The following PDXDC1 variants were observed in gnomAD, a reference collection of about 807,000 sequenced individuals.
The protein encoded by PDXDC1 is pyridoxal dependent decarboxylase domain containing 1, also known as pyridoxal-dependent decarboxylase domain-containing protein 1.
PDXDC1 carries 42 observed loss-of-function variants against 100.1 expected under a neutral mutation model. That is an observed-to-expected ratio of 0.42 (90% CI 0.33 to 0.54). PDXDC1 has a LOEUF of 0.54. PDXDC1 is among the 20% of genes least tolerant of loss of function. The pLI, the probability that PDXDC1 is intolerant of heterozygous loss-of-function variation, is 0.10. For synonymous variants in PDXDC1, 260 were observed against 371.7 expected (o/e 0.70, Z 3.46); for missense variants, 636 against 979.2 (o/e 0.65, Z 4.68).
intron 1 of PDXDC1, among the ~76,000 whole-genome samples, chr16:14,984,495 A>ATATATATTTT (rs1555542734): frequency 5.4e-5 from 4 of 73,478 alleles, no homozygotes; most frequent in African/African-American, 5.0e-5. Flanking sequence ...ATATATATAT[A>ATATATATTTT]TTTTTTTTTT....
intron 16 of PDXDC1, chr16:15,128,241 G>C (rs752916596): frequency 8.1e-6 from 13 of 1,611,350 alleles, no homozygotes; most frequent in South Asian, 1.1e-5. Flanking sequence ...GCCACACTCG[G>C]ATCTTCCACA....
At chr16:15,020,578 A>C (rs1367213090) in intron 12 of PDXDC1, among the ~76,000 whole-genome samples, 1 of 152,236 alleles carries the variant, frequency 6.6e-6, no homozygotes, top group African/African-American at 2.4e-5. Flanking sequence ...AGTCCCAGCT[A>C]CTTGGGAGGC....
chr16:15,086,078 T>A lies in PDXDC1; in HGVS notation c.1400-52801T>A, dbSNP rs544112249. The A allele has an allele frequency of 5.6e-5, 86 of 1,549,262 alleles. No homozygotes were observed. In the East Asian group the frequency reaches 2.0e-3, roughly 36 times the overall value. ...TCTCATATATAAGGGGAAGGTAGTATTTTAATAAAGAAGTATTAAAAAGAA... is the reference window on the plus strand; with the variant it reads ...TCTCATATATAAGGGGAAGGTAGTAATTTAATAAAGAAGTATTAAAAAGAA... On this transcript the variant is annotated intron_variant, in intron 16 of 16. Transcript: ENST00000535621.
chr16:15,067,702 C>T lies in PDXDC1; in HGVS notation c.1399+37646C>T, dbSNP rs896940271. Reference sequence around the variant, plus strand: ...GATAAGAAGTAGTAGTAATTTCCAACGCCATCAAAGTATAAAAACAATAGC... The same window carrying T: ...GATAAGAAGTAGTAGTAATTTCCAATGCCATCAAAGTATAAAAACAATAGC... On this transcript the variant is annotated intron_variant, in intron 16 of 16. Coordinates refer to the PDXDC1 transcript ENST00000535621. Among the ~76,000 whole-genome samples the T allele has an allele frequency of 1.2e-4, 18 of 152,044 alleles. No homozygotes were observed. In the East Asian group the frequency reaches 1.9e-3, roughly 16 times the overall value.
intron 16 of PDXDC1, chr16:15,094,418 G>C (rs536679017): frequency 1.1e-5 from 7 of 624,476 alleles, no homozygotes; most frequent in South Asian, 3.8e-5. Context: ...TCTACTTGGA[G>C]GACTTGTTCC....
In PDXDC1 at chr16:15,124,975, C is replaced by T. The variant is rs898321298; in HGVS notation, c.1400-13904C>T. On this transcript the variant is annotated intron_variant, in intron 16 of 16. Transcript: ENST00000535621. ...CAGCCTCACCAACATGCTGAAACCC[C>T]GTCTCTACCAAAAATACAAAAATTA... Among the ~76,000 whole-genome samples, 137 of 150,586 alleles carry T rather than the reference C, an allele frequency of 9.1e-4. 1 individual carries two copies. Among genetic ancestry groups the T allele is most frequent in the Middle Eastern group, 3.5e-3 (1 of 286 alleles).
At chr16:15,101,416 A>C (rs2046544215) in intron 16 of PDXDC1, among the ~76,000 whole-genome samples, 1 of 152,202 alleles carries the variant, frequency 6.6e-6, no homozygotes, top group Admixed American at 6.5e-5. Flanking sequence ...TCCAAGATGC[A>C]AATGATTGTC....
At chr16:14,990,019 G>A in intron 1 of PDXDC1, 1 of 1,475,872 alleles carries the variant, frequency 6.8e-7, no homozygotes, top group Non-Finnish European at 8.9e-7. Context: ...GGAAGCAGGT[G>A]CAGGCCGCCC....
chr16:15,010,651 T>C (rs1325018929), intron 8 of PDXDC1, among the ~76,000 whole-genome samples: 1 of 152,242 alleles, frequency 6.6e-6, no homozygotes. Context: ...TCTAAGACAG[T>C]GCAATAAGGC....
At chr16:15,067,896 T>C (rs1476860813) in intron 16 of PDXDC1, among the ~76,000 whole-genome samples, 1 of 151,988 alleles carries the variant, frequency 6.6e-6, no homozygotes, top group African/African-American at 2.4e-5. Context: ...TAGTTGGGAC[T>C]ACAGGCACAG....
chr16:14,990,070 G>A, intron 1 of PDXDC1: 1 of 1,494,440 alleles, frequency 6.7e-7, no homozygotes, highest in Non-Finnish European at 8.8e-7. Flanking sequence ...CACAGAAGCA[G>A]CAGTAGGAGG....
chr16:14,983,094 G>GT (rs1327247681), intron 1 of PDXDC1, among the ~76,000 whole-genome samples: 3 of 152,170 alleles, frequency 2.0e-5, no homozygotes, highest in Non-Finnish European at 2.9e-5. Context: ...TTTCTCTTTA[G>GT]TTAGCCCTAA....
Position 15,127,959 on chromosome 16 carries a change from C to G in PDXDC1, c.1400-10920C>G, listed in dbSNP as rs769066084. The G allele has an allele frequency of 9.1e-6, 14 of 1,543,412 alleles. No individual in the cohort carries two copies. The African/African-American group carries it at 1.9e-4, about 21-fold the overall frequency. On this transcript the variant is annotated intron_variant, in intron 16 of 16. Transcript: ENST00000535621. Reference sequence around the variant, plus strand: ...GGGGCAGGACCACCCTGCCCAACCTCCCACGGAGTGGGAACATGGAACGAG... The same window carrying G: ...GGGGCAGGACCACCCTGCCCAACCTGCCACGGAGTGGGAACATGGAACGAG...
intron 1 of PDXDC1, among the ~76,000 whole-genome samples, chr16:14,994,717 A>G (rs2151299999): frequency 6.6e-6 from 1 of 152,412 alleles, no homozygotes; most frequent in East Asian, 1.9e-4. Context: ...TTGAATCTAT[A>G]AATTACCTTG....
chr16:15,133,584 C>G (rs1176499868), intron 16 of PDXDC1: 2 of 1,103,066 alleles, frequency 1.8e-6, no homozygotes, highest in Non-Finnish European at 2.7e-6. Context: ...GGCAGCACGG[C>G]TCCGTAGCCG....
chr16:14,993,525 C>T (rs1215827777), intron 1 of PDXDC1, among the ~76,000 whole-genome samples: 2 of 152,298 alleles, frequency 1.3e-5, no homozygotes, highest in African/African-American at 4.8e-5. Flanking sequence ...GCCACATTTT[C>T]TTAATCCAGT....
At chr16:15,068,299 G>T (rs759233703) in intron 16 of PDXDC1, 5 of 1,548,290 alleles carry the variant, frequency 3.2e-6, no homozygotes, top group South Asian at 2.5e-5. Flanking sequence ...AAAAAAAAAA[G>T]ATTTTTTTAA....
intron 16 of PDXDC1, chr16:15,065,251 G>A: frequency 6.2e-7 from 1 of 1,613,864 alleles, no homozygotes; most frequent in Non-Finnish European, 8.5e-7. Flanking sequence ...AGGGGAAGAA[G>A]GTGTCCAGCG....
intron 16 of PDXDC1, chr16:15,072,927 A>C: frequency 2.5e-6 from 4 of 1,611,536 alleles, no homozygotes; most frequent in Non-Finnish European, 3.4e-6. Flanking sequence ...AGCTAAGATA[A>C]TGTTAATCAC....
Sources: gnomAD v4.1 joint callset for allele counts (sites outside exome capture counted in the v4.1 genomes callset) on GRCh38, gnomAD v4.1.1 for gene constraint, MANE v1.5 for transcripts, NCBI Gene and HGNC (gene_info 2026-07-23, HGNC 2026-07-21) for gene names.